Variants in ARHGAP26 observed in about 807,000 individuals in gnomAD.
ARHGAP26 encodes Rho GTPase activating protein 26.
Under a neutral mutation model 104.8 loss-of-function variants are expected in ARHGAP26, and 38 were observed. That is an observed-to-expected ratio of 0.36 (90% CI 0.28 to 0.48). The LOEUF is 0.48. Ranked by LOEUF, ARHGAP26 falls within the 20% of genes least tolerant of loss-of-function variation. The pLI is 0.99. For synonymous variants in ARHGAP26, 341 were observed against 340.0 expected, an observed-to-expected ratio of 1.00 and a Z score of -0.03; for missense variants, 704 against 947.9, an observed-to-expected ratio of 0.74 and a Z score of 3.38.
intron 17 of ARHGAP26, among the ~76,000 whole-genome samples, chr5:143,059,808 A>G (rs755156017): frequency 6.6e-6 from 1 of 152,198 alleles, no homozygotes; most frequent in Non-Finnish European, 1.5e-5. Flanking sequence ...AATTATCAAG[A>G]AATCTACCTG....
At chr5:142,790,822 G>T (rs1430217126) in intron 1 of ARHGAP26, among the ~76,000 whole-genome samples, 1 of 152,148 alleles carries the variant, frequency 6.6e-6, no homozygotes, top group African/African-American at 2.4e-5. Flanking sequence ...TCCTCTCAGA[G>T]AGTCCTCCTC....
chr5:142,837,152 A>C (rs1769742260), intron 1 of ARHGAP26, among the ~76,000 whole-genome samples: 1 of 152,148 alleles, frequency 6.6e-6, no homozygotes, highest in Non-Finnish European at 1.5e-5. Flanking sequence ...TCTTGGGATG[A>C]AGTAATGAAG....
intron 22 of ARHGAP26, among the ~76,000 whole-genome samples, chr5:143,215,505 G>A (rs529539471): frequency 3.3e-5 from 5 of 152,258 alleles, no homozygotes; most frequent in Admixed American, 6.5e-5. Flanking sequence ...CATTTAAAAT[G>A]TACAATTCAA....
intron 1 of ARHGAP26, among the ~76,000 whole-genome samples, chr5:142,842,034 A>T (rs578036184): frequency 7.2e-4 from 109 of 152,210 alleles, no homozygotes; most frequent in African/African-American, 2.4e-3. Context: ...ATGAGAGTGC[A>T]TTTTCCCTTG....
At chr5:142,814,231 C>T (rs893823378) in intron 1 of ARHGAP26, among the ~76,000 whole-genome samples, 4 of 152,248 alleles carry the variant, frequency 2.6e-5, no homozygotes, top group African/African-American at 9.6e-5. Context: ...AGAACTTTGT[C>T]AAGAGTTGGG....
intron 20 of ARHGAP26, among the ~76,000 whole-genome samples, chr5:143,204,501 G>T (rs1808253728): frequency 6.6e-6 from 1 of 152,212 alleles, no homozygotes; most frequent in African/African-American, 2.4e-5. Context: ...TCCAGCCTGG[G>T]CGACAAGAGC....
Position 143,221,445 on chromosome 5 carries a change from C to A in ARHGAP26, c.2192-913C>A, listed in dbSNP as rs1334378734. Among the ~76,000 whole-genome samples the A allele has an allele frequency of 2.8e-3, 363 of 131,448 alleles. 2 individuals are homozygous for A. Among genetic ancestry groups the A allele is most frequent in the African/African-American group, 7.4e-3 (256 of 34,382 alleles). The allele number at this position is 131,448 out of a possible 152,430, so 86.2% of individuals were successfully genotyped here. A position where few individuals can be genotyped will look rare whatever the true frequency, so the allele number is the denominator to read the frequency against. ...CAACCAAAAAAAAAAAAAAAAAAAA[C>A]CCCAGAAAATTTGCAAGGAAATTAG... On this transcript the variant is annotated intron_variant, in intron 22 of 22. Transcript: ENST00000645722.
intron 17 of ARHGAP26, among the ~76,000 whole-genome samples, chr5:143,116,625 G>T (rs188906342): frequency 1.7e-3 from 255 of 152,244 alleles, no homozygotes; most frequent in Non-Finnish European, 3.1e-3. Flanking sequence ...GTTGGCTACT[G>T]CTATTCCCAT....
intron 10 of ARHGAP26, among the ~76,000 whole-genome samples, chr5:142,914,082 T>TA (rs1420452778): frequency 6.6e-6 from 1 of 152,200 alleles, no homozygotes; most frequent in Non-Finnish European, 1.5e-5. Context: ...TTCCTTTTAT[T>TA]AAAAAAACAT....
At chr5:142,958,904 T>TAAAAAAA (rs1199020124) in intron 11 of ARHGAP26, among the ~76,000 whole-genome samples, 1 of 88,230 alleles carries the variant, frequency 1.1e-5, no homozygotes, top group Non-Finnish European at 2.0e-5. Flanking sequence ...CGCTGTCTCT[T>TAAAAAAA]AAAAAAAAAA....
intron 20 of ARHGAP26, among the ~76,000 whole-genome samples, chr5:143,187,321 G>A (rs1036764365): frequency 3.3e-5 from 5 of 152,158 alleles, no homozygotes; most frequent in Admixed American, 6.5e-5. Flanking sequence ...AGTATGACAA[G>A]TTTTCTCTGA....
At chr5:142,874,915 TG>T in intron 2 of ARHGAP26, 194 bp from the exon 3 acceptor site, 1 of 562,574 alleles carries the variant, frequency 1.8e-6, no homozygotes. Context: ...GAGTGCCAGG[TG>T]GAATTAACCT....
chr5:143,179,291 T>A (rs980076562), intron 20 of ARHGAP26, among the ~76,000 whole-genome samples: 3 of 152,198 alleles, frequency 2.0e-5, no homozygotes, highest in African/African-American at 7.2e-5. Flanking sequence ...ATCTAGTACC[T>A]TTCCTGGCAC....
chr5:143,065,583 C>A (rs1243751295), intron 17 of ARHGAP26, among the ~76,000 whole-genome samples: 1 of 152,188 alleles, frequency 6.6e-6, no homozygotes, highest in African/African-American at 2.4e-5. Flanking sequence ...GTTTCCTAAT[C>A]TGAAAAAGAT....
intron 20 of ARHGAP26, among the ~76,000 whole-genome samples, chr5:143,175,595 C>T (rs1216680205): frequency 1.3e-5 from 2 of 151,522 alleles, no homozygotes; most frequent in African/African-American, 4.9e-5. Flanking sequence ...TTCTAATAAA[C>T]AGCCCTTCTC....
chr5:143,014,398 T>G, intron 12 of ARHGAP26: 1 of 499,858 alleles, frequency 2.0e-6, no homozygotes, highest in East Asian at 3.4e-5. Context: ...CCTTTAATCG[T>G]AGGTCTTAAG....
chr5:143,012,576 T>TATATATATATATATATAAATATA (rs1554195628), intron 11 of ARHGAP26, among the ~76,000 whole-genome samples: 1 of 57,032 alleles, frequency 1.8e-5, no homozygotes, highest in Non-Finnish European at 5.2e-5. Context: ...TATATATATA[T>TATATATATATATATATAAATATA]TATGATCAGG....
At chr5:142,959,241 T>C (rs1769800724) in intron 11 of ARHGAP26, among the ~76,000 whole-genome samples, 1 of 152,370 alleles carries the variant, frequency 6.6e-6, no homozygotes, top group African/African-American at 2.4e-5. Context: ...TTTATCATTC[T>C]TTGTCAAACT....
At chr5:143,024,896 A>G (rs7705923) in intron 12 of ARHGAP26, among the ~76,000 whole-genome samples, 32,252 of 152,048 alleles carry the variant, frequency 0.21, 6,294 homozygotes, top group African/African-American at 0.51. Flanking sequence ...TCCCAGCCTC[A>G]AGAATTACTG....
Sources: allele counts gnomAD v4.1 joint callset (sites outside exome capture counted in the v4.1 genomes callset), GRCh38; gene constraint gnomAD v4.1.1; transcripts MANE v1.5; gene names NCBI Gene and HGNC (gene_info 2026-07-23, HGNC 2026-07-21).